Variants in USP54 observed in about 807,000 individuals in gnomAD.
The protein encoded by USP54 is ubiquitin carboxyl-terminal hydrolase 54.
Under a neutral mutation model 170.5 loss-of-function variants are expected in USP54, and 87 were observed. That is an observed-to-expected ratio of 0.51 (90% CI 0.43 to 0.61). The LOEUF (loss-of-function observed/expected upper bound fraction) is 0.61, where lower values mean the gene tolerates loss of function less well. USP54 is among the 20% of genes least tolerant of loss of function. USP54 has a pLI of 0.00. For synonymous variants in USP54, 655 were observed against 742.8 expected (o/e 0.88, Z 1.92); for missense variants, 1,786 against 2,047.8 (o/e 0.87, Z 2.47).
intron 10 of USP54, chr10:73,538,271 G>A (rs1239822782): frequency 1.3e-5 from 2 of 152,046 alleles, no homozygotes; most frequent in Admixed American, 1.3e-4. Flanking sequence ...CATTTCTGAA[G>A]TAAATTTCTT....
intron 7 of USP54, among the ~76,000 whole-genome samples, chr10:73,542,180 C>A (rs944502633): frequency 4.6e-5 from 7 of 152,084 alleles, no homozygotes; most frequent in Admixed American, 4.6e-4. Context: ...CTCACAGAAA[C>A]CTCCGCCTCC....
At position 73,575,576 on chromosome 10, in the gene USP54, G is replaced by A. The variant is rs2076006049; in HGVS notation, c.83C>T (p.Ala28Val). ...MFAPRSSTSI[A>V]PSKGLSNEPG... The stretch of plus-strand genomic sequence containing the variant: ...CTCATTGCTGAGGCCTTTGCTGGGG[G>A]CTATGGAGGTTGAGCTTCGAGGTGC... Residue 28 changes from alanine (A) to valine (V), a missense_variant, in exon 3 of 24, where the codon GCC becomes GTC. Around this residue, in one of 3 missense-constraint regions of USP54, gnomAD observed 361 missense variants for 455.0 expected, o/e 0.79. Coordinates refer to ENST00000687698, the MANE Select transcript of USP54 (RefSeq NM_001391956.1). 1.2e-6 allele frequency: 2 copies of A among 1,613,858 alleles called. No individual in the cohort carries two copies. The highest frequency in any genetic ancestry group is 1.7e-6 in the Non-Finnish European group (2 of 1,179,964).
At chr10:73,586,823 A>G (rs1025237410) in intron 1 of USP54, among the ~76,000 whole-genome samples, 1 of 152,230 alleles carries the variant, frequency 6.6e-6, no homozygotes, top group East Asian at 1.9e-4. Context: ...TAAACTCTCC[A>G]GCGAATAGTT....
At chr10:73,591,553 C>A (rs1308142422), upstream of USP54, 2 of 152,158 alleles carry the variant, frequency 1.3e-5, no homozygotes, top group African/African-American at 4.8e-5. Flanking sequence ...AAAGGTGGAG[C>A]TTCCAATTAA....
chr10:73,516,102 G>A (rs2061033062), intron 20 of USP54, among the ~76,000 whole-genome samples: 1 of 152,000 alleles, frequency 6.6e-6, no homozygotes, highest in African/African-American at 2.4e-5. Context: ...CTTTAGCACA[G>A]CATACTGGAG....
At chr10:73,615,674 A>G (rs2080564551) in intron 1 of USP54, among the ~76,000 whole-genome samples, 1 of 150,340 alleles carries the variant, frequency 6.7e-6, no homozygotes, top group Non-Finnish European at 1.5e-5. Context: ...TAATCCCAGC[A>G]CTCTGCGAAG....
intron 1 of USP54, among the ~76,000 whole-genome samples, chr10:73,625,378 G>A (rs2081445669): frequency 6.6e-6 from 1 of 152,072 alleles, no homozygotes; most frequent in African/African-American, 2.4e-5. Flanking sequence ...AGGGAAAGGA[G>A]GCGGCGACGA....
Position 73,536,391 on chromosome 10 carries a change from T to C in USP54, c.1022A>G (p.His341Arg), listed in dbSNP as rs933582424. The change falls in exon 11 of 24, where the codon CAT becomes CGT. Residue 341 changes from histidine (H) to arginine (R), a missense_variant. By Grantham distance (29) the His-to-Arg change is conservative. This residue lies in a region of USP54 where 361 missense variants were observed against 455.0 expected (regional missense o/e 0.79). Transcript: ENST00000687698. ...KDVVTKCIKG[H>R]YQPLLLLYAD... is the part of the protein sequence containing the mutation. ...ATAAAGCAGCAGCAGGGGCTGATAA[T>C]GCCCCTTGATGCATTTGGTCACCAC... 5.0e-6 allele frequency: 8 copies of C among 1,590,380 alleles called. No homozygotes were observed. The highest frequency in any genetic ancestry group is 1.3e-5 in the African/African-American group (1 of 74,218).
intron 22 of USP54, 25 bp from the exon 23 acceptor site, chr10:73,500,863 AC>A: frequency 6.3e-7 from 1 of 1,585,786 alleles, no homozygotes; most frequent in Non-Finnish European, 8.5e-7. Context: ...AGACAAAAAA[AC>A]ATAGAGATGA....
At chr10:73,596,658 G>GC (rs1211442808) in intron 1 of USP54, among the ~76,000 whole-genome samples, 1 of 142,516 alleles carries the variant, frequency 7.0e-6, no homozygotes, top group Admixed American at 7.4e-5. Flanking sequence ...GGTGGAGGTT[G>GC]CAGTGAGCTG....
At position 73,545,682 on chromosome 10, in the gene USP54, A is replaced by G; in HGVS notation, c.241-10T>C. 6.2e-7 allele frequency: 1 copy of G among 1,613,916 alleles called. No homozygotes were observed. Among genetic ancestry groups the G allele is most frequent in the African/African-American group, 1.3e-5 (1 of 75,060 alleles). On this transcript the variant is annotated splice_polypyrimidine_tract_variant and intron_variant, in intron 4 of 23. Coordinates refer to ENST00000687698, the MANE Select transcript of USP54 (RefSeq NM_001391956.1). ...ACTGGTTAAAGATTCCCTATAGGGAAGAGGTTAGACAAGAGAAAAAGTACA... is the reference window on the plus strand; with the variant it reads ...ACTGGTTAAAGATTCCCTATAGGGAGGAGGTTAGACAAGAGAAAAAGTACA...
intron 17 of USP54, among the ~76,000 whole-genome samples, chr10:73,522,380 C>A (rs111936984): frequency 0.045 from 6,843 of 152,294 alleles, 467 homozygotes; most frequent in African/African-American, 0.15. Context: ...AATCACTGTA[C>A]TAAATTTTAA....
upstream of USP54, among the ~76,000 whole-genome samples, chr10:73,592,119 G>C (rs2078306923): frequency 6.6e-6 from 1 of 151,908 alleles, no homozygotes; most frequent in Non-Finnish European, 1.5e-5. Context: ...CCAAACATGT[G>C]ATCAGTCAAC....
At chr10:73,553,857 T>C (rs2070266187) in intron 4 of USP54, among the ~76,000 whole-genome samples, 1 of 152,204 alleles carries the variant, frequency 6.6e-6, no homozygotes, top group Admixed American at 6.5e-5. Flanking sequence ...GTTTCTTGGA[T>C]GCAGTACAAA....
chr10:73,593,376 CAAAAAA>C (rs772703814), upstream of USP54, among the ~76,000 whole-genome samples: 4 of 60,370 alleles, frequency 6.6e-5, no homozygotes, highest in East Asian at 1.8e-3. Flanking sequence ...GACCCTGTCT[CAAAAAA>C]AAAAAAAAAA....
rs1201557357 is a variant in USP54 at position 73,514,877 on chromosome 10, T to G, written c.4051+1498A>C. ...CAACGTGGTGAAACCCTGTCTCTAC[T>G]AAAAATACAAGAGTTAGCCAGGTGT... is the stretch of plus-strand genomic sequence containing the variant. On this transcript the variant is annotated intron_variant, in intron 20 of 23. Transcript: ENST00000687698. Among the ~76,000 whole-genome samples, 4 of 151,996 alleles carry G rather than the reference T, an allele frequency of 2.6e-5. No homozygotes were observed. In the East Asian group the frequency reaches 7.8e-4, roughly 29 times the overall value.
chr10:73,544,703 ATTTTCTTTTTT>A (rs112677454), intron 5 of USP54, among the ~76,000 whole-genome samples: 1 of 151,452 alleles, frequency 6.6e-6, no homozygotes, highest in African/African-American at 2.4e-5. Context: ...TCACTCTCAA[ATTTTCTTTTTT>A]TTTTCTTTTT....
At chr10:73,592,970 G>C (rs560719714), upstream of USP54, among the ~76,000 whole-genome samples, 12 of 152,328 alleles carry the variant, frequency 7.9e-5, no homozygotes, top group Middle Eastern at 6.8e-3. Flanking sequence ...GTGCCAAATA[G>C]AAAGAGAACC....
chr10:73,503,448 C>T lies in USP54; in HGVS notation c.4311+1402G>A, dbSNP rs1007043065. Among the ~76,000 whole-genome samples the T allele has an allele frequency of 2.0e-5, 3 of 152,134 alleles. No homozygotes were observed. In the East Asian group the frequency reaches 5.8e-4, roughly 29 times the overall value. ...ATACCTAGAACACACTCAATAAGCA[C>T]TTATTTATTTGTTTATTTTTGTGCT... On this transcript the variant is annotated intron_variant, in intron 22 of 23. Coordinates refer to ENST00000687698, the MANE Select transcript of USP54 (RefSeq NM_001391956.1).
Sources: gnomAD v4.1 joint callset for allele counts (sites outside exome capture counted in the v4.1 genomes callset) on GRCh38, gnomAD v4.1.1 for gene constraint, gnomAD v4.1.1 regional missense constraint, MANE v1.5 for transcripts, NCBI Gene and HGNC (gene_info 2026-07-23, HGNC 2026-07-21) for gene names.